The following RBFOX1 variants were observed in gnomAD, a reference collection of about 807,000 sequenced individuals.
RBFOX1 encodes the protein RNA binding fox-1 homolog 1.
In RBFOX1, 8 loss-of-function variants were observed where a neutral mutation model predicts 57.7. The ratio of observed to expected loss-of-function variants is 0.14; its 90% CI spans 0.08 to 0.25. The LOEUF is 0.25. RBFOX1 is among the 10% of genes least tolerant of loss of function. The pLI is 1.00. For missense variants in RBFOX1, 611 were observed against 548.5 expected (o/e 1.11, Z -1.14); for synonymous variants, 326 against 222.4 (o/e 1.47, Z -4.15).
At chr16:6,252,551 G>T (rs1219178456) in intron 1 of RBFOX1, among the ~76,000 whole-genome samples, 1 of 152,108 alleles carries the variant, frequency 6.6e-6, no homozygotes, top group Non-Finnish European at 1.5e-5. Context: ...GCCCCAGTTG[G>T]CCAGAAGAAC....
intron 1 of RBFOX1, among the ~76,000 whole-genome samples, chr16:5,258,027 C>T (rs1037418426): frequency 7.9e-5 from 12 of 152,134 alleles, no homozygotes; most frequent in African/African-American, 2.4e-4. Flanking sequence ...TGCGGGTGCA[C>T]ACCACCTTGC....
intron 3 of RBFOX1, among the ~76,000 whole-genome samples, chr16:6,871,666 C>A (rs1347090128): frequency 1.3e-5 from 2 of 152,022 alleles, no homozygotes; most frequent in Non-Finnish European, 2.9e-5. Context: ...TCTAAACTGG[C>A]CTTTCTTCCT....
intron 1 of RBFOX1, among the ~76,000 whole-genome samples, chr16:6,312,775 C>G (rs1199696937): frequency 6.6e-6 from 1 of 151,496 alleles, no homozygotes; most frequent in African/African-American, 2.4e-5. Flanking sequence ...TCCCTGTTTC[C>G]CTACCTTCCA....
chr16:7,125,399 C>G (rs1365002572), intron 4 of RBFOX1, among the ~76,000 whole-genome samples: 2 of 152,196 alleles, frequency 1.3e-5, no homozygotes, highest in East Asian at 1.9e-4. Context: ...TACCTTGTCA[C>G]TAGCGTCAAC....
chr16:7,617,563 C>T (rs962086258), intron 10 of RBFOX1, among the ~76,000 whole-genome samples: 1 of 152,100 alleles, frequency 6.6e-6, no homozygotes, highest in Admixed American at 6.5e-5. Flanking sequence ...TACATGAACC[C>T]ATGACCTTAG....
intron 3 of RBFOX1, among the ~76,000 whole-genome samples, chr16:6,686,700 C>G (rs1002120178): frequency 1.3e-5 from 2 of 152,118 alleles, no homozygotes; most frequent in African/African-American, 4.8e-5. Context: ...TAAGGGAACG[C>G]AATTGTGAGA....
At chr16:7,221,842 C>G (rs1355228934) in intron 4 of RBFOX1, among the ~76,000 whole-genome samples, 3 of 152,178 alleles carry the variant, frequency 2.0e-5, no homozygotes, top group East Asian at 3.8e-4. Context: ...AAGTTGATTT[C>G]CCTCCTTGGA....
intron 4 of RBFOX1, among the ~76,000 whole-genome samples, chr16:7,339,999 A>T (rs1490719574): frequency 6.6e-6 from 1 of 152,128 alleles, no homozygotes; most frequent in East Asian, 1.9e-4. Context: ...CCTTTTAGAA[A>T]TTCTCTTCCC....
intron 1 of RBFOX1, chr16:5,270,739 C>T: frequency 4.2e-6 from 2 of 480,050 alleles, no homozygotes; most frequent in Non-Finnish European, 7.8e-6. Context: ...TAAATTGATA[C>T]CAGATAACAT....
chr16:7,123,385 G>A (rs2067654407), intron 4 of RBFOX1, among the ~76,000 whole-genome samples: 1 of 151,990 alleles, frequency 6.6e-6, no homozygotes, highest in African/African-American at 2.4e-5. Flanking sequence ...TATTTTTTGA[G>A]ACAGCGGCTT....
intron 1 of RBFOX1, chr16:5,289,296 T>TC (rs1407146839): frequency 4.7e-6 from 2 of 423,638 alleles, no homozygotes; most frequent in Non-Finnish European, 9.0e-6. Flanking sequence ...GCATGTGGCC[T>TC]CCCATGGTCA....
chr16:6,102,195 A>AAAT (rs57262287), intron 1 of RBFOX1, among the ~76,000 whole-genome samples: 1 of 148,838 alleles, frequency 6.7e-6, no homozygotes. Context: ...AAAAAAAAAA[A>AAAT]TGCACCCAGA....
rs191786678 is a variant in RBFOX1, at chr16:7,137,340, T to C, written c.27+85242T>C. On this transcript the variant is annotated intron_variant, in intron 4 of 15. Coordinates refer to ENST00000550418, the MANE Select transcript of RBFOX1 (RefSeq NM_018723.4). ...CTGTAGCTCCTGTAATTCCCACATG[T>C]TGTGGGAGGGAACTGGTGGGAGATA... is the stretch of plus-strand genomic sequence containing the variant. Among the ~76,000 whole-genome samples, 11 of 152,236 alleles carry C rather than the reference T, an allele frequency of 7.2e-5. No individual in the cohort carries two copies. In the East Asian group the frequency reaches 1.9e-3, roughly 27 times the overall value.
intron 2 of RBFOX1, among the ~76,000 whole-genome samples, chr16:6,583,602 C>G (rs917605658): frequency 2.0e-5 from 3 of 152,220 alleles, no homozygotes; most frequent in Non-Finnish European, 1.5e-5. Context: ...TGGATTCTAT[C>G]CATTCTCTGT....
At chr16:5,347,604 C>A (rs1449240856) in intron 1 of RBFOX1, among the ~76,000 whole-genome samples, 2 of 151,090 alleles carry the variant, frequency 1.3e-5, no homozygotes, top group East Asian at 3.9e-4. Context: ...ATCCACCCAC[C>A]CATGCTCCCA....
At chr16:5,390,168 C>G (rs2066365429) in intron 1 of RBFOX1, among the ~76,000 whole-genome samples, 1 of 151,840 alleles carries the variant, frequency 6.6e-6, no homozygotes, top group Non-Finnish European at 1.5e-5. Context: ...TTGCTCTTGA[C>G]AACTTTTAAT....
At chr16:7,171,203 A>G (rs1232670660) in intron 4 of RBFOX1, among the ~76,000 whole-genome samples, 1 of 152,196 alleles carries the variant, frequency 6.6e-6, no homozygotes, top group Non-Finnish European at 1.5e-5. Context: ...GGCACCCAGT[A>G]CTAACTCCCA....
intron 3 of RBFOX1, among the ~76,000 whole-genome samples, chr16:5,795,950 T>C (rs971927996): frequency 6.6e-6 from 1 of 152,236 alleles, no homozygotes; most frequent in African/African-American, 2.4e-5. Flanking sequence ...GTTGCATCAA[T>C]AGTCCCCACC....
rs2066019821 is a variant in RBFOX1 at position 6,893,517 on chromosome 16, C to T, written c.-15-158540C>T. ...CAGTATCAACAGCTGGGGCTCTATG[C>T]TGAGCTCAGAAAGTGGAGTTCTGAA... On this transcript the variant is annotated intron_variant, in intron 3 of 15. Coordinates refer to ENST00000550418, the MANE Select transcript of RBFOX1 (RefSeq NM_018723.4). Among the ~76,000 whole-genome samples, 3 of 152,228 alleles carry T rather than the reference C, an allele frequency of 2.0e-5. No homozygotes were observed. In the South Asian group the frequency reaches 6.2e-4, roughly 32 times the overall value.
Sources: gnomAD v4.1 joint callset for allele counts (sites outside exome capture counted in the v4.1 genomes callset) on GRCh38, gnomAD v4.1.1 for gene constraint, MANE v1.5 for transcripts, NCBI Gene and HGNC (gene_info 2026-07-23, HGNC 2026-07-21) for gene names.